Variants in PIWIL4 observed in about 807,000 individuals in gnomAD.
PIWIL4 encodes piwi-like protein 4.
A neutral mutation model predicts 100.9 loss-of-function variants in PIWIL4; 50 were observed. The ratio of observed to expected loss-of-function variants is 0.50; its 90% confidence interval spans 0.39 to 0.63. The LOEUF (loss-of-function observed/expected upper bound fraction) is 0.63. Among genes scored for constraint, PIWIL4 ranks in the 20% least tolerant of loss-of-function variants. The pLI, the probability that PIWIL4 is intolerant of heterozygous loss-of-function variation, is 0.00. For synonymous variants in PIWIL4, 342 were observed against 367.5 expected (o/e 0.93, Z 0.79); for missense variants, 887 against 1,043.3 (o/e 0.85, Z 2.06).
chr11:94,604,321 T>G (rs1948687314), intron 13 of PIWIL4, among the ~76,000 whole-genome samples: 1 of 152,208 alleles, frequency 6.6e-6, no homozygotes, highest in Non-Finnish European at 1.5e-5. Context: ...TGGGGTCATC[T>G]TTTCCTTAAG....
At chr11:94,587,494 C>T (rs762697836) in intron 7 of PIWIL4, among the ~76,000 whole-genome samples, 7 of 152,206 alleles carry the variant, frequency 4.6e-5, no homozygotes, top group Non-Finnish European at 8.8e-5. Context: ...TCTATTCTAA[C>T]CCCCAGCGGT....
chr11:94,611,383 C>G lies in PIWIL4; in HGVS notation c.1943+2697C>G, dbSNP rs140809664. Among the ~76,000 whole-genome samples the G allele has an allele frequency of 3.8e-3, 577 of 151,980 alleles. 3 individuals carry two copies. The highest frequency in any genetic ancestry group is 0.01 in the Middle Eastern group (3 of 294). On this transcript the variant is annotated intron_variant, in intron 15 of 19. Coordinates refer to ENST00000299001, the MANE Select transcript of PIWIL4 (RefSeq NM_152431.3). ...GGGCTTTCCTTTTTTTTCACATAGG[C>G]ATTTATTGCCATAAACTTCCATCTT... is the stretch of plus-strand genomic sequence containing the variant.
At chr11:94,601,370 A>G (rs1377011045) in intron 11 of PIWIL4, among the ~76,000 whole-genome samples, 1 of 152,112 alleles carries the variant, frequency 6.6e-6, no homozygotes, top group East Asian at 1.9e-4. Context: ...TTTTATTATG[A>G]TGACCTAGAG....
chr11:94,570,138 G>A (rs149247256), intron 2 of PIWIL4, among the ~76,000 whole-genome samples: 64 of 152,230 alleles, frequency 4.2e-4, no homozygotes, highest in African/African-American at 1.5e-3. Flanking sequence ...GCCAGATTTG[G>A]TCTCAGGATA....
At chr11:94,599,076 T>C (rs1948599846) in intron 11 of PIWIL4, among the ~76,000 whole-genome samples, 1 of 152,176 alleles carries the variant, frequency 6.6e-6, no homozygotes, top group Admixed American at 6.5e-5. Flanking sequence ...GGAAGTACTA[T>C]TTTTCAACAC....
intron 1 of PIWIL4, among the ~76,000 whole-genome samples, chr11:94,567,992 C>A (rs931446901): frequency 1.3e-5 from 2 of 151,944 alleles, no homozygotes; most frequent in Non-Finnish European, 2.9e-5. Flanking sequence ...AATAAGTACT[C>A]TCACACATGT....
intron 4 of PIWIL4, among the ~76,000 whole-genome samples, chr11:94,579,363 T>A (rs1948283906): frequency 6.6e-6 from 1 of 152,208 alleles, no homozygotes; most frequent in Non-Finnish European, 1.5e-5. Flanking sequence ...ATAAAGATGG[T>A]ATGGATGTTT....
chr11:94,612,542 T>C (rs966799778), intron 15 of PIWIL4, among the ~76,000 whole-genome samples: 11 of 152,168 alleles, frequency 7.2e-5, no homozygotes. Flanking sequence ...CCATTTACAT[T>C]TAAAATATTG....
chr11:94,585,868 C>T (rs1274039295), intron 6 of PIWIL4, among the ~76,000 whole-genome samples: 1 of 152,152 alleles, frequency 6.6e-6, no homozygotes, highest in Non-Finnish European at 1.5e-5. Context: ...ATGAAATTGG[C>T]AGGGCAGCGC....
At chr11:94,577,564 T>C in intron 4 of PIWIL4, 72 bp downstream of exon 4, 13 of 1,174,702 alleles carry the variant, frequency 1.1e-5, no homozygotes, top group East Asian at 2.4e-5. Context: ...CACACACATA[T>C]ATATGCATAT....
chr11:94,609,651 T>C (rs564039931), intron 15 of PIWIL4, among the ~76,000 whole-genome samples: 1 of 152,282 alleles, frequency 6.6e-6, no homozygotes, highest in African/African-American at 2.4e-5. Flanking sequence ...ATCTAAAATT[T>C]ATTTTGATAT....
At chr11:94,595,178 T>C in intron 9 of PIWIL4, 131 bp from the exon 10 acceptor site, 1 of 654,750 alleles carries the variant, frequency 1.5e-6, no homozygotes. Flanking sequence ...ATGACATACG[T>C]GGTTTTCATT....
chr11:94,577,136 G>A, intron 3 of PIWIL4, 142 bp from the exon 4 acceptor site: 2 of 663,744 alleles, frequency 3.0e-6, no homozygotes, highest in South Asian at 2.0e-5. Context: ...CAAGTTTTAG[G>A]ATTTATCCTG....
chr11:94,616,666 C>T, intron 16 of PIWIL4, 103 bp downstream of exon 16: 1 of 856,926 alleles, frequency 1.2e-6, no homozygotes, highest in Non-Finnish European at 1.8e-6. Flanking sequence ...AAACTCTCTA[C>T]ACCTGTCTTT....
chr11:94,588,157 C>T (rs1266615121), intron 7 of PIWIL4, among the ~76,000 whole-genome samples: 2 of 151,866 alleles, frequency 1.3e-5, no homozygotes, highest in African/African-American at 2.4e-5. Flanking sequence ...TTCCCCTCCT[C>T]GTGTCCATGT....
At chr11:94,576,480 A>T (rs910036732) in intron 3 of PIWIL4, among the ~76,000 whole-genome samples, 1 of 152,176 alleles carries the variant, frequency 6.6e-6, no homozygotes, top group African/African-American at 2.4e-5. Flanking sequence ...GATTCTCTGT[A>T]AGGGGAAGTG....
intron 15 of PIWIL4, among the ~76,000 whole-genome samples, chr11:94,609,762 C>T (rs1022762426): frequency 3.9e-5 from 6 of 151,912 alleles, no homozygotes; most frequent in Non-Finnish European, 7.4e-5. Context: ...TTGATGCATA[C>T]ATTATATATA....
chr11:94,607,391 A>C, intron 13 of PIWIL4, 48 bp from the exon 14 acceptor site: 1 of 1,514,734 alleles, frequency 6.6e-7, no homozygotes. Flanking sequence ...GCAACTTCTT[A>C]GCAGAAGTAA....
At chr11:94,587,684 C>T (rs968459620) in intron 7 of PIWIL4, among the ~76,000 whole-genome samples, 7 of 152,248 alleles carry the variant, frequency 4.6e-5, no homozygotes, top group Non-Finnish European at 8.8e-5. Context: ...CCCTGGGCGG[C>T]GCCCATAGCA....
Sources: gnomAD v4.1 joint callset for allele counts (sites outside exome capture counted in the v4.1 genomes callset) on GRCh38, gnomAD v4.1.1 for gene constraint, MANE v1.5 for transcripts, NCBI Gene and HGNC (gene_info 2026-07-23, HGNC 2026-07-21) for gene names.